The following CUX1 variants were observed in gnomAD, a reference collection of about 807,000 sequenced individuals.
The protein encoded by CUX1 is protein CASP.
A neutral mutation model predicts 158.8 loss-of-function variants in CUX1; 31 were observed. That is an observed-to-expected ratio of 0.20 (90% CI 0.15 to 0.26). CUX1 has a LOEUF of 0.26. Among genes scored for constraint, CUX1 ranks in the 10% least tolerant of loss-of-function variants. CUX1 has a pLI of 1.00. For missense variants in CUX1, 1,589 were observed against 2,014.6 expected, an observed-to-expected ratio of 0.79 and a Z score of 4.04; for synonymous variants, 879 against 862.1, an observed-to-expected ratio of 1.02 and a Z score of -0.34.
intron 1 of CUX1, among the ~76,000 whole-genome samples, chr7:101,831,265 GGGAATCC>G (rs1793974345): frequency 6.6e-6 from 1 of 152,038 alleles, no homozygotes; most frequent in East Asian, 1.9e-4. Flanking sequence ...CCAGACAGTA[GGGAATCC>G]TTGCCCTTAA....
chr7:102,111,714 C>A lies in CUX1; in HGVS notation c.547C>A (p.Gln183Lys). The A allele has an allele frequency of 6.2e-7, 1 of 1,614,202 alleles. No individual in the cohort carries two copies. Among genetic ancestry groups the A allele is most frequent in the East Asian group, 2.2e-5 (1 of 44,876 alleles). Residue 183 changes from glutamine to lysine, a missense_variant, in exon 7 of 24, where the codon CAG (glutamine) becomes AAG (lysine). Physicochemically the swap from Gln to Lys is moderately conservative, Grantham distance 53. Transcript: ENST00000292535. ...AEKERKLQET[Q>K]MSTTSKLEEA... ...CCTTTGCAGAAAGCTGCAGGAGACA[C>A]AGATGTCCACCACCTCAAAGCTGGA...
intron 10 of CUX1, 32 bp from the exon 11 acceptor site, chr7:102,178,437 C>A (rs782562419): frequency 1.9e-6 from 3 of 1,562,854 alleles, no homozygotes; most frequent in East Asian, 2.3e-5. Context: ...TCAAGGCCAG[C>A]GCAGTTTTGT....
rs1171896359 is a variant in CUX1 at position 102,250,052 on chromosome 7, GAAAA to G, written c.*1016_*1019del. The G allele has an allele frequency of 1.3e-5, 12 of 918,458 alleles. No individual in the cohort carries two copies. Among genetic ancestry groups the G allele is most frequent in the Admixed American group, 9.3e-5 (1 of 10,704 alleles). The allele number at this position is 918,458 out of a possible 1,614,324, so 56.9% of individuals were successfully genotyped here. ...CTAGGCCAAATCAGGACAAAAAAAA[GAAAA>G]AAAAAGAAAAAAAAAAAAGAAAAGA... On this transcript the variant is annotated 3_prime_UTR_variant, in exon 24 of 24. Transcript: ENST00000292535.
intron 2 of CUX1, among the ~76,000 whole-genome samples, chr7:101,990,037 T>C (rs1814897702): frequency 6.6e-6 from 1 of 151,974 alleles, no homozygotes; most frequent in Non-Finnish European, 1.5e-5. Context: ...GAGTGAAAGG[T>C]TTCATGTCAG....
At chr7:101,932,431 A>G in intron 2 of CUX1, 1 of 381,752 alleles carries the variant, frequency 2.6e-6, no homozygotes, top group Non-Finnish European at 5.3e-6. Context: ...GAATACGCGC[A>G]GAGATGTTCT....
Position 102,196,773 on chromosome 7 carries a change from G to A in CUX1, c.1362G>A (p.Ala454=), listed in dbSNP as rs1586162823. 6.2e-7 allele frequency: 1 copy of A among 1,614,130 alleles called. No individual in the cohort carries two copies. Among genetic ancestry groups the A allele is most frequent in the Non-Finnish European group, 8.5e-7 (1 of 1,180,034 alleles). ...NTNGTHQFSP[A]GLSQDFFSSS... is the part of the protein sequence containing the mutation. ...ATGGTACACACCAGTTCTCACCAGC[G>A]GGGTTAAGTCAAGACTTTTTCAGCT... The change falls in exon 15 of 24, where the codon GCG becomes GCA. Residue 454 remains alanine (A), a synonymous_variant. Transcript: ENST00000292535.
At chr7:102,131,086 T>C (rs1833171098) in intron 8 of CUX1, among the ~76,000 whole-genome samples, 2 of 145,348 alleles carry the variant, frequency 1.4e-5, no homozygotes, top group African/African-American at 5.1e-5. Flanking sequence ...TTCAGCCTGG[T>C]CAACAGAGTG....
chr7:101,985,281 C>G (rs12530931), intron 2 of CUX1, among the ~76,000 whole-genome samples: 24,463 of 151,912 alleles, frequency 0.16, 2,180 homozygotes, highest in South Asian at 0.2. Context: ...AGAGGGGGGT[C>G]GTGCGGGGAG....
At chr7:101,906,380 T>G (rs1417071293) in intron 1 of CUX1, among the ~76,000 whole-genome samples, 1 of 151,092 alleles carries the variant, frequency 6.6e-6, no homozygotes, top group Admixed American at 6.6e-5. Flanking sequence ...TCAGAACATT[T>G]TTTGGAAGAG....
At chr7:102,204,362 G>C (rs1795742647) in intron 18 of CUX1, 29 bp from the exon 19 acceptor site, 2 of 1,611,270 alleles carry the variant, frequency 1.2e-6, no homozygotes, top group Non-Finnish European at 1.7e-6. Flanking sequence ...GCCAGGCACT[G>C]ATGGCCTGTG....
chr7:102,263,118 A>T (rs1554544304), downstream of CUX1, among the ~76,000 whole-genome samples: 2 of 146,690 alleles, frequency 1.4e-5, 1 homozygote, highest in South Asian at 4.3e-4. Context: ...GGTTCAGGCG[A>T]TTCTCCTGCC....
Position 101,982,642 on chromosome 7 carries a change from G to A in CUX1, c.142-45456G>A, listed in dbSNP as rs145972082. On this transcript the variant is annotated intron_variant, in intron 2 of 23. Transcript: ENST00000292535. ...AGGTTTCACCATGTTGGTTAGGCTG[G>A]TCTTGAACTCCTGGCCTGAAACGAT... Among the ~76,000 whole-genome samples, 243 of 151,914 alleles carry A rather than the reference G, an allele frequency of 1.6e-3. No individual in the cohort carries two copies. The East Asian group carries it at 0.029, about 18-fold the overall frequency.
intron 1 of CUX1, among the ~76,000 whole-genome samples, chr7:101,832,565 G>A (rs964111784): frequency 1.3e-5 from 2 of 152,182 alleles, no homozygotes; most frequent in Non-Finnish European, 1.5e-5. Context: ...TGACTCACGC[G>A]GGGAGTTGGC....
At chr7:102,143,204 C>G (rs1263939664) in intron 8 of CUX1, among the ~76,000 whole-genome samples, 1 of 152,198 alleles carries the variant, frequency 6.6e-6, no homozygotes, top group East Asian at 1.9e-4. Flanking sequence ...CTTCCTGGGT[C>G]AGATGGTACT....
chr7:102,166,428 G>A (rs1001867952), intron 9 of CUX1, among the ~76,000 whole-genome samples: 2 of 152,134 alleles, frequency 1.3e-5, no homozygotes, highest in African/African-American at 2.4e-5. Context: ...AGGAGGAGAC[G>A]GGAGTCCGGC....
At chr7:101,971,035 G>C (rs536454854) in intron 2 of CUX1, among the ~76,000 whole-genome samples, 1 of 152,332 alleles carries the variant, frequency 6.6e-6, no homozygotes, top group African/African-American at 2.4e-5. Context: ...AGCTGAGCAC[G>C]TTCACATGTA....
At chr7:102,233,950 C>T (rs1413966962) in intron 21 of CUX1, 102 bp from the exon 22 acceptor site, 2 of 925,350 alleles carry the variant, frequency 2.2e-6, no homozygotes, top group Admixed American at 6.4e-5. Flanking sequence ...CAACCCTGAG[C>T]CTTTAAACTC....
At chr7:102,032,199 G>A (rs1282668611) in intron 3 of CUX1, among the ~76,000 whole-genome samples, 1 of 152,094 alleles carries the variant, frequency 6.6e-6, no homozygotes, top group Non-Finnish European at 1.5e-5. Flanking sequence ...AGAGGGCTGG[G>A]ATTACAGGCA....
chr7:102,024,918 T>C (rs1165136759), intron 2 of CUX1, among the ~76,000 whole-genome samples: 1 of 152,200 alleles, frequency 6.6e-6, no homozygotes, highest in East Asian at 1.9e-4. Flanking sequence ...AAATTTATCA[T>C]GTGACAGTGC....
Sources: allele counts gnomAD v4.1 joint callset (sites outside exome capture counted in the v4.1 genomes callset), GRCh38; gene constraint gnomAD v4.1.1; transcripts MANE v1.5; gene names NCBI Gene and HGNC (gene_info 2026-07-23, HGNC 2026-07-21).